VRK3: variants seen among roughly 807,000 people sequenced by gnomAD.
The protein encoded by VRK3 is serine/threonine-protein kinase VRK3.
A neutral mutation model predicts 60.4 loss-of-function variants in VRK3; 50 were observed. The ratio of observed to expected loss-of-function variants is 0.83; its 90% CI spans 0.66 to 1.05. The LOEUF is 1.05. Among genes scored for constraint, VRK3 ranks in the 50% least tolerant of loss-of-function variants. The pLI is 0.00. For synonymous variants in VRK3, 246 were observed against 227.8 expected (o/e 1.08, Z -0.72); for missense variants, 549 against 585.3 (o/e 0.94, Z 0.64).
chr19:50,007,890 GAA>G, intron 4 of VRK3, 64 bp from the exon 5 acceptor site: 4 of 1,596,496 alleles, frequency 2.5e-6, no homozygotes, highest in Middle Eastern at 1.7e-4. Context: ...GATGGGGAGT[GAA>G]ACAGCACGCA....
intron 3 of VRK3, among the ~76,000 whole-genome samples, chr19:50,010,949 C>A (rs1327580270): frequency 1.3e-5 from 2 of 150,864 alleles, no homozygotes; most frequent in Non-Finnish European, 2.9e-5. Context: ...AAAACAAAAA[C>A]AAAAAAGGGA....
At chr19:50,020,876 G>C (rs1196204718) in intron 1 of VRK3, among the ~76,000 whole-genome samples, 1 of 152,224 alleles carries the variant, frequency 6.6e-6, no homozygotes, top group Non-Finnish European at 1.5e-5. Context: ...ACGTTCTGGT[G>C]GGGGAAGAGA....
intron 14 of VRK3, among the ~76,000 whole-genome samples, chr19:49,977,544 C>G (rs1402418614): frequency 6.6e-6 from 1 of 152,130 alleles, no homozygotes; most frequent in South Asian, 2.1e-4. Context: ...CAGGATGAAG[C>G]CTCTGCCCTG....
intron 12 of VRK3, among the ~76,000 whole-genome samples, chr19:49,983,732 T>C (rs1424385066): frequency 2.6e-5 from 4 of 152,200 alleles, no homozygotes; most frequent in African/African-American, 9.7e-5. Context: ...GTTGAATGAA[T>C]GGAAAAAGGC....
intron 3 of VRK3, among the ~76,000 whole-genome samples, chr19:50,010,235 C>T (rs2076972948): frequency 6.6e-6 from 1 of 152,132 alleles, no homozygotes; most frequent in Non-Finnish European, 1.5e-5. Context: ...CTTCATTATA[C>T]TTTCAATTTG....
chr19:49,994,648 C>T (rs1005526718), intron 9 of VRK3, among the ~76,000 whole-genome samples, 166 bp downstream of exon 9: 16 of 152,250 alleles, frequency 1.1e-4, no homozygotes, highest in Non-Finnish European at 1.9e-4. Context: ...GGACTGACCA[C>T]CCATCATCTC....
chr19:49,979,057 G>A (rs1416443227), intron 14 of VRK3, 26 bp downstream of exon 14: 1 of 1,574,128 alleles, frequency 6.4e-7, no homozygotes, highest in Non-Finnish European at 8.6e-7. Context: ...GGGGTGAGAG[G>A]CTTAAGCCTC....
At chr19:50,007,348 G>A (rs1419435973) in intron 5 of VRK3, among the ~76,000 whole-genome samples, 2 of 151,936 alleles carry the variant, frequency 1.3e-5, no homozygotes, top group African/African-American at 2.4e-5. Context: ...CGCAGTCCCC[G>A]CCACTCCCAA....
intron 5 of VRK3, among the ~76,000 whole-genome samples, chr19:50,002,503 C>T (rs2076824008): frequency 6.6e-6 from 1 of 152,206 alleles, no homozygotes; most frequent in Non-Finnish European, 1.5e-5. Flanking sequence ...CAGTGCCTGT[C>T]TCTCAGAGGC....
In VRK3 at chr19:50,009,281, T is replaced by C; in HGVS notation, c.244A>G (p.Ser82Gly). The C allele has an allele frequency of 6.2e-7, 1 of 1,614,170 alleles. No homozygotes were observed. Among genetic ancestry groups the C allele is most frequent in the South Asian group, 1.1e-5 (1 of 91,076 alleles). The change falls in exon 4 of 15, where the codon AGT becomes GGT. Residue 82 changes from serine (S) to glycine (G), a missense_variant. Coordinates refer to ENST00000316763, the MANE Select transcript of VRK3 (RefSeq NM_016440.4). Reference protein sequence around the residue: ...PRLSLFSDGDSSESEDTLSSS... With the variant: ...PRLSLFSDGDGSESEDTLSSS... ...CTCAGAGTATCTTCAGACTCAGAAC[T>C]GTCACCATCTGAGAAGAGGGATAAT...
intron 1 of VRK3, among the ~76,000 whole-genome samples, chr19:50,021,824 T>C (rs1180735965): frequency 1.3e-5 from 2 of 152,234 alleles, no homozygotes; most frequent in African/African-American, 4.8e-5. Flanking sequence ...GACAGTTCAG[T>C]ATGTGCAGAC....
At chr19:50,020,176 G>A (rs546156095) in intron 2 of VRK3, among the ~76,000 whole-genome samples, 1 of 152,150 alleles carries the variant, frequency 6.6e-6, no homozygotes, top group Non-Finnish European at 1.5e-5. Flanking sequence ...GAGTAGCTGG[G>A]ACTACAGGTA....
intron 1 of VRK3, among the ~76,000 whole-genome samples, chr19:50,023,912 T>C (rs1176247907): frequency 1.3e-5 from 2 of 152,160 alleles, no homozygotes; most frequent in Non-Finnish European, 2.9e-5. Context: ...TGGGAAATAA[T>C]CTGCCTGGGT....
intron 3 of VRK3, among the ~76,000 whole-genome samples, chr19:50,009,672 T>C (rs1463406627): frequency 6.6e-6 from 1 of 152,154 alleles, no homozygotes; most frequent in African/African-American, 2.4e-5. Flanking sequence ...CTCACTCTGT[T>C]GCCCAGGCTG....
chr19:49,995,002 G>T, intron 8 of VRK3, 83 bp from the exon 9 acceptor site: 1 of 1,381,710 alleles, frequency 7.2e-7, no homozygotes, highest in Non-Finnish European at 1.0e-6. Context: ...CTGTTGCGTG[G>T]GCTGCAAGGT....
chr19:49,989,461 C>T (rs546199535), intron 11 of VRK3, among the ~76,000 whole-genome samples, 178 bp downstream of exon 11: 1 of 152,342 alleles, frequency 6.6e-6, no homozygotes, highest in South Asian at 2.1e-4. Context: ...TAGTGCTGAA[C>T]CGCTACCCCA....
chr19:50,000,958 C>A, intron 5 of VRK3, 104 bp from the exon 6 acceptor site: 1 of 1,097,206 alleles, frequency 9.1e-7, no homozygotes, highest in South Asian at 1.5e-5. Flanking sequence ...TGCCCTGGTT[C>A]CAACAAGGTC....
chr19:50,016,285 T>C, intron 2 of VRK3, 122 bp from the exon 3 acceptor site: 1 of 1,279,618 alleles, frequency 7.8e-7, no homozygotes, highest in Non-Finnish European at 1.1e-6. Context: ...TCTTCAACTG[T>C]TTGTGATGTT....
At chr19:49,991,611 T>C (rs1486586908) in intron 10 of VRK3, among the ~76,000 whole-genome samples, 1 of 152,194 alleles carries the variant, frequency 6.6e-6, no homozygotes, top group Non-Finnish European at 1.5e-5. Context: ...TCATCTGGGA[T>C]TGCTTTTCCC....
Sources: gnomAD v4.1 joint callset for allele counts (sites outside exome capture counted in the v4.1 genomes callset) on GRCh38, gnomAD v4.1.1 for gene constraint, MANE v1.5 for transcripts, NCBI Gene and HGNC (gene_info 2026-07-23, HGNC 2026-07-21) for gene names.